Variants in ATF6 observed in about 807,000 individuals in gnomAD.
ATF6 encodes the protein cyclic AMP-dependent transcription factor ATF-6 alpha.
ATF6 carries 53 observed loss-of-function variants against 83.6 expected under a neutral mutation model. The ratio of observed to expected loss-of-function variants is 0.63; its 90% confidence interval spans 0.51 to 0.80. The LOEUF (loss-of-function observed/expected upper bound fraction) is 0.80, where lower values mean the gene tolerates loss of function less well. Among genes scored for constraint, ATF6 ranks in the 30% least tolerant of loss-of-function variants. The pLI is 0.00. For synonymous variants in ATF6, 288 were observed against 285.8 expected, an observed-to-expected ratio of 1.01 and a Z score of -0.08; for missense variants, 744 against 797.9, an observed-to-expected ratio of 0.93 and a Z score of 0.81.
At chr1:161,832,178 C>A (rs962190506) in intron 9 of ATF6, among the ~76,000 whole-genome samples, 6 of 151,630 alleles carry the variant, frequency 4.0e-5, no homozygotes, top group African/African-American at 1.2e-4. Flanking sequence ...GGTAAAGGAA[C>A]AAAAGACTAC....
chr1:161,823,103 C>T (rs1685804222), intron 9 of ATF6, among the ~76,000 whole-genome samples: 1 of 151,782 alleles, frequency 6.6e-6, no homozygotes, highest in African/African-American at 2.4e-5. Context: ...TACCAAGGAT[C>T]CCAAATAATT....
chr1:161,812,652 A>G (rs1211392965), intron 7 of ATF6, among the ~76,000 whole-genome samples: 2 of 152,004 alleles, frequency 1.3e-5, no homozygotes, highest in Non-Finnish European at 2.9e-5. Flanking sequence ...TCGGCCTCCC[A>G]AAGTGCTGGG....
chr1:161,952,063 C>T (rs1474941544), intron 15 of ATF6, among the ~76,000 whole-genome samples: 1 of 152,150 alleles, frequency 6.6e-6, no homozygotes, highest in Non-Finnish European at 1.5e-5. Context: ...TCCCAATTAT[C>T]TGATGGAACC....
rs1178894724 is a variant in ATF6 at position 161,865,860 on chromosome 1, GATGACTGTAAACTATGTT to G, written c.1719+2552_1719+2569del. 8.6e-5 allele frequency among the ~76,000 whole-genome samples: 13 copies of G among 151,982 alleles called. No homozygotes were observed. The East Asian group carries it at 2.5e-3, about 29-fold the overall frequency. ...GGGAAAAGGAAGTTAATTTTATCTT[GATGACTGTAAACTATGTT>G]ATGGGACAGGAATTTTGTTCTTTAA... is the stretch of plus-strand genomic sequence containing the variant. On this transcript the variant is annotated intron_variant, in intron 14 of 15. Coordinates refer to ENST00000367942, the MANE Select transcript of ATF6 (RefSeq NM_007348.4).
In ATF6 at chr1:161,922,992, G is replaced by A. The variant is rs137999883; in HGVS notation, c.1804+10612G>A. ...TTTGCACATGTGGTGTCCATGTCTT[G>A]GATTACCTGTCCTCTTCCCTCCAGG... On this transcript the variant is annotated intron_variant, in intron 15 of 15. Transcript: ENST00000367942. Among the ~76,000 whole-genome samples, 451 of 152,138 alleles carry A rather than the reference G, an allele frequency of 3.0e-3. 2 individuals are homozygous for A. The highest frequency in any genetic ancestry group is 0.011 in the African/African-American group (444 of 41,512).
intron 14 of ATF6, among the ~76,000 whole-genome samples, chr1:161,869,177 G>C (rs950498204): frequency 2.6e-5 from 4 of 151,908 alleles, no homozygotes; most frequent in African/African-American, 9.7e-5. Context: ...AAATAGCAAT[G>C]ATATTTTCTA....
intron 12 of ATF6, among the ~76,000 whole-genome samples, chr1:161,858,767 A>G (rs1176128490): frequency 3.5e-4 from 54 of 152,218 alleles, no homozygotes; most frequent in Non-Finnish European, 1.5e-4. Flanking sequence ...GCAAAAGCTC[A>G]TGACTAGTTT....
chr1:161,868,601 A>G (rs1386869413), intron 14 of ATF6, among the ~76,000 whole-genome samples: 1 of 151,964 alleles, frequency 6.6e-6, no homozygotes, highest in African/African-American at 2.4e-5. Flanking sequence ...GACATGAGCC[A>G]TTGAGAGAAG....
chr1:161,941,965 C>T (rs4657127), intron 15 of ATF6, among the ~76,000 whole-genome samples: 97,150 of 151,034 alleles, frequency 0.64, 33,046 homozygotes, highest in Non-Finnish European at 0.77. Context: ...CTCTTATCTT[C>T]TTTTTTTCGG....
At chr1:161,775,740 G>A (rs1039686978) in intron 1 of ATF6, among the ~76,000 whole-genome samples, 3 of 152,106 alleles carry the variant, frequency 2.0e-5, no homozygotes, top group Non-Finnish European at 4.4e-5. Context: ...CCTGGAATTG[G>A]TTATTTCTCC....
At chr1:161,792,538 A>G (rs1217346636) in intron 6 of ATF6, among the ~76,000 whole-genome samples, 1 of 152,190 alleles carries the variant, frequency 6.6e-6, no homozygotes, top group Non-Finnish European at 1.5e-5. Context: ...TCTGATGGTT[A>G]TTTTGAAAAT....
chr1:161,939,120 C>G (rs890562408), intron 15 of ATF6, among the ~76,000 whole-genome samples: 3 of 152,220 alleles, frequency 2.0e-5, no homozygotes, highest in African/African-American at 7.2e-5. Context: ...CCATCCTCAT[C>G]TTATTCCCAG....
rs190884597 is a variant in ATF6 at position 161,788,968 on chromosome 1, A to C, written c.355-2440A>C. 9.9e-3 allele frequency among the ~76,000 whole-genome samples: 1,507 copies of C among 152,190 alleles called. 8 individuals carry two copies. The highest frequency in any genetic ancestry group is 0.017 in the South Asian group (84 of 4,824). On this transcript the variant is annotated intron_variant, in intron 4 of 15. Transcript: ENST00000367942. ...GTAATTGTTATTGCTATTGTGAGTG[A>C]AATATTTATTTATTTGTTTTATTTA...
rs565573441 is a variant in ATF6 at position 161,844,427 on chromosome 1, G to A, written c.1188-2022G>A. Among the ~76,000 whole-genome samples, 8 of 152,206 alleles carry A rather than the reference G, an allele frequency of 5.3e-5. No homozygotes were observed. The East Asian group carries it at 1.5e-3, about 29-fold the overall frequency. On this transcript the variant is annotated intron_variant, in intron 9 of 15. Transcript: ENST00000367942. ...GAATCCAGAACTAGTATCAAAAGGTGGAAGTTTTTTTGTTTTTTGTTTTTT... is the reference window on the plus strand; with the variant it reads ...GAATCCAGAACTAGTATCAAAAGGTAGAAGTTTTTTTGTTTTTTGTTTTTT...
At chr1:161,883,242 A>G (rs1209035733) in intron 14 of ATF6, among the ~76,000 whole-genome samples, 1 of 152,014 alleles carries the variant, frequency 6.6e-6, no homozygotes, top group Non-Finnish European at 1.5e-5. Flanking sequence ...AAAGAGAATC[A>G]GAAACTTGAA....
At chr1:161,830,864 A>T (rs1686039538) in intron 9 of ATF6, among the ~76,000 whole-genome samples, 1 of 152,256 alleles carries the variant, frequency 6.6e-6, no homozygotes, top group African/African-American at 2.4e-5. Flanking sequence ...AACCTAGGCA[A>T]TACCATTCAG....
At chr1:161,904,599 CAAAA>C (rs112331504) in intron 14 of ATF6, among the ~76,000 whole-genome samples, 6 of 149,590 alleles carry the variant, frequency 4.0e-5, no homozygotes, top group Admixed American at 4.0e-4. Flanking sequence ...CAAAACAAAA[CAAAA>C]AAACAAAAAA....
chr1:161,931,975 A>G (rs538687574), intron 15 of ATF6, among the ~76,000 whole-genome samples: 1 of 152,290 alleles, frequency 6.6e-6, no homozygotes, highest in Admixed American at 6.5e-5. Flanking sequence ...TGAAAGTGGA[A>G]CTAAACTCTA....
chr1:161,816,147 TAG>T (rs1557975765), intron 7 of ATF6, among the ~76,000 whole-genome samples: 1 of 152,202 alleles, frequency 6.6e-6, no homozygotes, highest in African/African-American at 2.4e-5. Flanking sequence ...TTTGCAGCTG[TAG>T]AGTTTTTTCT....
Sources: allele counts gnomAD v4.1 joint callset (sites outside exome capture counted in the v4.1 genomes callset), GRCh38; gene constraint gnomAD v4.1.1; transcripts MANE v1.5; gene names NCBI Gene and HGNC (gene_info 2026-07-23, HGNC 2026-07-21).